The following NCOA1 variants were observed in gnomAD, a reference collection of about 807,000 sequenced individuals.
NCOA1 encodes the protein Hin-2 protein.
A neutral mutation model predicts 150.9 loss-of-function variants in NCOA1; 35 were observed. The observed-to-expected ratio is 0.23, with a 90% CI of 0.18 to 0.31. The LOEUF (loss-of-function observed/expected upper bound fraction) is 0.31, where lower values mean the gene tolerates loss of function less well. Ranked by LOEUF, NCOA1 falls within the 10% of genes least tolerant of loss-of-function variation. NCOA1 has a pLI of 1.00. For synonymous variants in NCOA1, 590 were observed against 630.0 expected (o/e 0.94, Z 0.95); for missense variants, 1,491 against 1,749.3 (o/e 0.85, Z 2.63).
chr2:24,518,637 TAGA>T (rs1368488149), intron 1 of NCOA1, among the ~76,000 whole-genome samples: 2 of 152,284 alleles, frequency 1.3e-5, no homozygotes, highest in Non-Finnish European at 2.9e-5. Context: ...CAAGGTAGGA[TAGA>T]AGATCAATAT....
In NCOA1 at chr2:24,752,058, T is replaced by C. The variant is rs1664275966; in HGVS notation, c.3783T>C (p.Pro1261=). The change falls in exon 20 of 23, where the codon CCT becomes CCC. Residue 1261 remains proline, a synonymous_variant. Coordinates refer to ENST00000348332, the MANE Select transcript of NCOA1 (RefSeq NM_003743.5). ...GCTCCATGGTGCCGATGCCAATCCC[T>C]CCTCCTCAGAGTTCTCTTCTCCAGC... is the stretch of plus-strand genomic sequence containing the variant. ...PGSSMVPMPI[P]PPQSSLLQQT... 1 of 1,613,968 alleles carries C rather than the reference T, an allele frequency of 6.2e-7. No homozygotes were observed. Among genetic ancestry groups the C allele is most frequent in the African/African-American group, 1.3e-5 (1 of 74,890 alleles).
intron 4 of NCOA1, among the ~76,000 whole-genome samples, chr2:24,645,006 G>T (rs987076420): frequency 1.3e-5 from 2 of 152,144 alleles, no homozygotes; most frequent in African/African-American, 4.8e-5. Context: ...AGAGTGTGGG[G>T]TTTTATAGAT....
chr2:24,732,111 G>A (rs898930695), intron 17 of NCOA1, among the ~76,000 whole-genome samples: 7 of 152,154 alleles, frequency 4.6e-5, no homozygotes, highest in African/African-American at 1.7e-4. Flanking sequence ...ATGAATGAAT[G>A]GAATGATGAT....
At chr2:24,608,458 G>A (rs1005140282) in intron 3 of NCOA1, among the ~76,000 whole-genome samples, 13 of 150,980 alleles carry the variant, frequency 8.6e-5, no homozygotes, top group African/African-American at 3.2e-4. Flanking sequence ...TAGTAGAGAT[G>A]GGGTTTCACC....
chr2:24,710,871 T>C (rs1673715245), intron 13 of NCOA1, 60 bp from the exon 14 acceptor site: 2 of 1,514,982 alleles, frequency 1.3e-6, no homozygotes, highest in Admixed American at 3.7e-5. Flanking sequence ...CATTTTTTTC[T>C]ACGTTGTTTC....
At chr2:24,535,915 A>G (rs922434332) in intron 1 of NCOA1, among the ~76,000 whole-genome samples, 1 of 152,074 alleles carries the variant, frequency 6.6e-6, no homozygotes, top group African/African-American at 2.4e-5. Flanking sequence ...GGTGAATCCA[A>G]CAATTATGTG....
At position 24,637,052 on chromosome 2, in the gene NCOA1, CT is replaced by C. The variant is rs908800843; in HGVS notation, c.-174-6905del. 9.2e-4 allele frequency among the ~76,000 whole-genome samples: 138 copies of C among 149,600 alleles called. 1 individual carries two copies. Among genetic ancestry groups the C allele is most frequent in the African/African-American group, 2.9e-3 (120 of 40,734 alleles). On this transcript the variant is annotated intron_variant, in intron 3 of 22. Transcript: ENST00000348332. ...CCCTCATCTCACACATTTATCATTT[CT>C]TTTTTTTTGAGATTTTTTAAAATCT...
At chr2:24,659,683 ATCT>A (rs944022658) in intron 5 of NCOA1, among the ~76,000 whole-genome samples, 4 of 152,192 alleles carry the variant, frequency 2.6e-5, no homozygotes, top group African/African-American at 9.6e-5. Flanking sequence ...TATTCCACTC[ATCT>A]TCTAGGATTT....
intron 21 of NCOA1, among the ~76,000 whole-genome samples, chr2:24,760,754 A>G (rs1664749734): frequency 6.6e-6 from 1 of 151,890 alleles, no homozygotes; most frequent in Non-Finnish European, 1.5e-5. Context: ...TATTTTCTTC[A>G]TATTTCTTAT....
intron 7 of NCOA1, among the ~76,000 whole-genome samples, chr2:24,677,077 C>T (rs1468267419): frequency 2.0e-5 from 3 of 152,206 alleles, no homozygotes; most frequent in Non-Finnish European, 4.4e-5. Context: ...GGCATGGTGG[C>T]TCACACCTGT....
intron 11 of NCOA1, among the ~76,000 whole-genome samples, chr2:24,704,191 CAGATTTT>C (rs1177177690): frequency 6.6e-6 from 1 of 152,114 alleles, no homozygotes; most frequent in Non-Finnish European, 1.5e-5. Context: ...AAATAGTACA[CAGATTTT>C]ACACATATTT....
intron 1 of NCOA1, among the ~76,000 whole-genome samples, chr2:24,560,436 T>C (rs72847441): frequency 0.02 from 3,083 of 151,838 alleles, 92 homozygotes; most frequent in African/African-American, 0.071. Flanking sequence ...ATGGATATGA[T>C]TTTTTTTTCT....
chr2:24,673,572 A>G (rs887465014), intron 7 of NCOA1, 109 bp downstream of exon 7: 4 of 610,052 alleles, frequency 6.6e-6, no homozygotes, highest in African/African-American at 5.9e-5. Context: ...AAAACAAAGT[A>G]AAGAACTTTT....
At chr2:24,678,203 C>A (rs1311973952) in intron 7 of NCOA1, among the ~76,000 whole-genome samples, 1 of 152,188 alleles carries the variant, frequency 6.6e-6, no homozygotes, top group African/African-American at 2.4e-5. Context: ...CATGTCCCTG[C>A]AAAGGACCAT....
chr2:24,763,616 C>T (rs1163247402), intron 22 of NCOA1, among the ~76,000 whole-genome samples: 1 of 85,314 alleles, frequency 1.2e-5, no homozygotes, highest in Non-Finnish European at 2.3e-5. Flanking sequence ...GTCTCTCTCT[C>T]TTTTTTTTTT....
chr2:24,506,948 G>C (rs1663721878), intron 1 of NCOA1, among the ~76,000 whole-genome samples: 1 of 152,130 alleles, frequency 6.6e-6, no homozygotes, highest in Admixed American at 6.5e-5. Context: ...CATTTATTAA[G>C]AGCTATTAAA....
At position 24,685,896 on chromosome 2, in the gene NCOA1, A is replaced by G. The variant is rs777051605; in HGVS notation, c.532+2768A>G. On this transcript the variant is annotated intron_variant, in intron 8 of 22. Coordinates refer to ENST00000348332, the MANE Select transcript of NCOA1 (RefSeq NM_003743.5). Reference sequence around the variant, plus strand: ...TAGAAATCAATGTGAAGGAAGGACAATCTTGTCCTTTCATAGTGTGCTCTT... The same window carrying G: ...TAGAAATCAATGTGAAGGAAGGACAGTCTTGTCCTTTCATAGTGTGCTCTT... Among the ~76,000 whole-genome samples, 7 of 152,314 alleles carry G rather than the reference A, an allele frequency of 4.6e-5. No individual in the cohort carries two copies. The South Asian group carries it at 6.2e-4, about 14-fold the overall frequency.
intron 21 of NCOA1, 37 bp downstream of exon 21, chr2:24,758,193 A>C: frequency 6.4e-7 from 1 of 1,553,282 alleles, no homozygotes. Context: ...GCCACACCAC[A>C]TCACAGTTAA....
At chr2:24,535,470 G>T (rs1665091404) in intron 1 of NCOA1, among the ~76,000 whole-genome samples, 1 of 152,154 alleles carries the variant, frequency 6.6e-6, no homozygotes, top group South Asian at 2.1e-4. Context: ...ATATTATTAT[G>T]TGTGAATTTG....
Sources: allele counts gnomAD v4.1 joint callset (sites outside exome capture counted in the v4.1 genomes callset), GRCh38; gene constraint gnomAD v4.1.1; transcripts MANE v1.5; gene names NCBI Gene and HGNC (gene_info 2026-07-23, HGNC 2026-07-21).